Variants in FGGY observed in about 807,000 individuals in gnomAD.
The protein encoded by FGGY is FGGY carbohydrate kinase domain containing.
In FGGY, 72 loss-of-function variants were observed where a neutral mutation model predicts 71.3. The observed-to-expected ratio is 1.01, with a 90% CI of 0.84 to 1.23. FGGY has a LOEUF of 1.23. FGGY is among the 50% of genes most tolerant of loss of function. The pLI is 0.00. For missense variants in FGGY, 668 were observed against 682.3 expected (o/e 0.98, Z 0.23); for synonymous variants, 251 against 250.3 (o/e 1.00, Z -0.02).
intron 8 of FGGY, among the ~76,000 whole-genome samples, chr1:59,586,372 C>T (rs1317046225): frequency 6.6e-5 from 10 of 152,076 alleles, no homozygotes; most frequent in Non-Finnish European, 1.3e-4. Flanking sequence ...ATGGATGAAG[C>T]TGGAAACCAT....
chr1:59,734,156 TTTTA>T (rs1244584802), intron 14 of FGGY, among the ~76,000 whole-genome samples: 1 of 152,220 alleles, frequency 6.6e-6, no homozygotes, highest in East Asian at 1.9e-4. Context: ...TTCTTTTTCT[TTTTA>T]TTTATTTCAG....
chr1:59,749,807 G>A (rs2098230323), intron 14 of FGGY, among the ~76,000 whole-genome samples: 2 of 152,134 alleles, frequency 1.3e-5, no homozygotes, highest in Non-Finnish European at 2.9e-5. Context: ...CCCATTTTCT[G>A]ATGAGGCAAC....
At chr1:59,591,088 A>T (rs2096425319) in intron 8 of FGGY, among the ~76,000 whole-genome samples, 1 of 152,220 alleles carries the variant, frequency 6.6e-6, no homozygotes. Flanking sequence ...AACTTCAGCA[A>T]AGTCTCAGGA....
At chr1:59,614,041 G>A (rs1204657936) in intron 9 of FGGY, among the ~76,000 whole-genome samples, 2 of 152,116 alleles carry the variant, frequency 1.3e-5, no homozygotes, top group South Asian at 2.1e-4. Context: ...AGGACCAGAC[G>A]GATTCACAGC....
At chr1:59,507,827 G>A (rs987027837) in intron 6 of FGGY, among the ~76,000 whole-genome samples, 13 of 151,468 alleles carry the variant, frequency 8.6e-5, no homozygotes, top group Non-Finnish European at 1.2e-4. Context: ...GAGCAACCAC[G>A]CCCGGCCACA....
Position 59,649,065 on chromosome 1 carries a change from T to C in FGGY, c.1221+10690T>C, listed in dbSNP as rs1312115297. ...GTCAAAGATCAGATAGTTTTAGGTATGCGGCATTATTTCTGAGGGCTCTGT... is the reference window on the plus strand; with the variant it reads ...GTCAAAGATCAGATAGTTTTAGGTACGCGGCATTATTTCTGAGGGCTCTGT... On this transcript the variant is annotated intron_variant, in intron 11 of 15. Transcript: ENST00000303721. Among the ~76,000 whole-genome samples, 505 of 151,996 alleles carry C rather than the reference T, an allele frequency of 3.3e-3. 4 individuals carry two copies. Among genetic ancestry groups the C allele is most frequent in the African/African-American group, 0.012 (480 of 41,270 alleles).
intron 9 of FGGY, among the ~76,000 whole-genome samples, chr1:59,623,479 C>A (rs1027272899): frequency 1.3e-5 from 2 of 152,208 alleles, no homozygotes; most frequent in African/African-American, 2.4e-5. Context: ...ATGGTGCTAT[C>A]TGTGTTTTTC....
At chr1:59,554,067 C>G in intron 7 of FGGY, 57 bp from the exon 8 acceptor site, 1 of 1,344,278 alleles carries the variant, frequency 7.4e-7, no homozygotes, top group Non-Finnish European at 1.0e-6. Context: ...TTTTAGCTTT[C>G]TCTCCCTCTT....
intron 8 of FGGY, among the ~76,000 whole-genome samples, chr1:59,592,412 T>G (rs1399705788): frequency 6.6e-6 from 1 of 152,162 alleles, no homozygotes; most frequent in Non-Finnish European, 1.5e-5. Context: ...AAATACCATT[T>G]GACCCAGCCA....
chr1:59,617,054 A>G (rs569979741), intron 9 of FGGY, among the ~76,000 whole-genome samples: 56 of 152,120 alleles, frequency 3.7e-4, no homozygotes, highest in Non-Finnish European at 6.6e-4. Context: ...TCATTGTCAC[A>G]TAGGACATGA....
At chr1:59,465,358 A>C (rs1185971110) in intron 6 of FGGY, among the ~76,000 whole-genome samples, 1 of 152,214 alleles carries the variant, frequency 6.6e-6, no homozygotes, top group East Asian at 1.9e-4. Flanking sequence ...AACATATCTC[A>C]AAATAATAAG....
At chr1:59,473,663 T>C (rs911074142) in intron 6 of FGGY, among the ~76,000 whole-genome samples, 1 of 152,112 alleles carries the variant, frequency 6.6e-6, no homozygotes, top group African/African-American at 2.4e-5. Flanking sequence ...ATAGAGTTTA[T>C]GGGGGGCTAG....
chr1:59,502,914 C>T (rs553346525), intron 6 of FGGY, among the ~76,000 whole-genome samples: 1 of 152,274 alleles, frequency 6.6e-6, no homozygotes, highest in African/African-American at 2.4e-5. Context: ...TCAGCATGTT[C>T]GGATTTCATG....
At chr1:59,625,831 T>C (rs2096851133) in intron 9 of FGGY, among the ~76,000 whole-genome samples, 157 bp from the exon 10 acceptor site, 1 of 152,230 alleles carries the variant, frequency 6.6e-6, no homozygotes, top group Non-Finnish European at 1.5e-5. Flanking sequence ...AAATTTCTTT[T>C]AGCTGAGGCA....
At chr1:59,367,260 A>G (rs928869626) in intron 4 of FGGY, among the ~76,000 whole-genome samples, 2 of 152,166 alleles carry the variant, frequency 1.3e-5, no homozygotes, top group Non-Finnish European at 2.9e-5. Context: ...TCATTCTGAG[A>G]AGTTTCTGGC....
At position 59,600,982 on chromosome 1, in the gene FGGY, CTT is replaced by C. The variant is rs377505663; in HGVS notation, c.904-6804_904-6803del. ...CCATTCATAAACAAAATTCTCTATG[CTT>C]TTTTTTTTTTTTTTTTGTACCATGT... On this transcript the variant is annotated intron_variant, in intron 8 of 15. Coordinates refer to ENST00000303721, the MANE Select transcript of FGGY (RefSeq NM_018291.5). 9.1e-3 allele frequency among the ~76,000 whole-genome samples: 1,161 copies of C among 126,948 alleles called. 7 individuals are homozygous for C. Among genetic ancestry groups the C allele is most frequent in the African/African-American group, 0.014 (476 of 33,296 alleles). 83.3% of individuals were successfully genotyped at this position (126,948 alleles called of 152,430 possible). A position where few individuals can be genotyped will look rare whatever the true frequency, so the allele number is the denominator to read the frequency against.
chr1:59,593,652 C>T (rs2153797232), intron 8 of FGGY, among the ~76,000 whole-genome samples: 1 of 152,272 alleles, frequency 6.6e-6, no homozygotes, highest in Middle Eastern at 3.4e-3. Context: ...CAAACCATGC[C>T]TTCTTCAAGC....
intron 1 of FGGY, among the ~76,000 whole-genome samples, chr1:59,299,027 T>C (rs574516329): frequency 6.6e-6 from 1 of 152,316 alleles, no homozygotes; most frequent in East Asian, 1.9e-4. Context: ...AGGGAGATTA[T>C]GTGATAGTGA....
intron 5 of FGGY, among the ~76,000 whole-genome samples, chr1:59,433,221 C>T (rs1475181532): frequency 6.6e-6 from 1 of 152,200 alleles, no homozygotes; most frequent in African/African-American, 2.4e-5. Context: ...CACTAGTTGC[C>T]AGTAGCACAT....
Sources: gnomAD v4.1 joint callset for allele counts (sites outside exome capture counted in the v4.1 genomes callset) on GRCh38, gnomAD v4.1.1 for gene constraint, MANE v1.5 for transcripts, NCBI Gene and HGNC (gene_info 2026-07-23, HGNC 2026-07-21) for gene names.